The following KSR2 variants were observed in gnomAD, a reference collection of about 807,000 sequenced individuals.
KSR2 encodes kinase suppressor of ras 2.
A neutral mutation model predicts 107.8 loss-of-function variants in KSR2; 25 were observed. The observed-to-expected ratio is 0.23, with a 90% CI of 0.17 to 0.32. The LOEUF (loss-of-function observed/expected upper bound fraction) is 0.32, where lower values mean the gene tolerates loss of function less well. Ranked by LOEUF, KSR2 falls within the 10% of genes least tolerant of loss-of-function variation. KSR2 has a pLI of 1.00. For missense variants in KSR2, 887 were observed against 1,268.9 expected, an observed-to-expected ratio of 0.70 and a Z score of 4.57; for synonymous variants, 480 against 507.0, an observed-to-expected ratio of 0.95 and a Z score of 0.71.
At chr12:117,642,711 T>C (rs1476016127) in intron 5 of KSR2, among the ~76,000 whole-genome samples, 3 of 152,244 alleles carry the variant, frequency 2.0e-5, no homozygotes, top group Non-Finnish European at 4.4e-5. Context: ...AATGATATGC[T>C]GATCTTGTGA....
rs922993802 is a variant in KSR2 at position 117,523,325 on chromosome 12, T to C, written c.2219+1527A>G. Among the ~76,000 whole-genome samples the C allele has an allele frequency of 2.6e-5, 4 of 152,324 alleles. No individual in the cohort carries two copies. The East Asian group carries it at 5.8e-4, about 22-fold the overall frequency. On this transcript the variant is annotated intron_variant, in intron 14 of 19. Coordinates refer to ENST00000339824, the MANE Select transcript of KSR2 (RefSeq NM_173598.6). ...ACTTGTGCATTTGGGGTCTCACTGCTTGAGCTGAGTAGAGCAAGGAGAGAG... is the reference window on the plus strand; with the variant it reads ...ACTTGTGCATTTGGGGTCTCACTGCCTGAGCTGAGTAGAGCAAGGAGAGAG...
intron 9 of KSR2, among the ~76,000 whole-genome samples, chr12:117,549,145 T>C (rs749672214): frequency 3.3e-5 from 5 of 152,248 alleles, no homozygotes; most frequent in Non-Finnish European, 5.9e-5. Context: ...TATCTTAATT[T>C]ATCTAATGGT....
chr12:117,697,069 C>G (rs529935727), intron 4 of KSR2, among the ~76,000 whole-genome samples: 17 of 152,168 alleles, frequency 1.1e-4, no homozygotes, highest in Non-Finnish European at 1.9e-4. Flanking sequence ...TTTGCGGACG[C>G]TAGTTTGGGA....
At chr12:117,484,052 C>A (rs147178717) in intron 16 of KSR2, among the ~76,000 whole-genome samples, 28 of 152,366 alleles carry the variant, frequency 1.8e-4, no homozygotes, top group Middle Eastern at 6.8e-3. Flanking sequence ...GTACTAAAAT[C>A]ACTTAATTCC....
At position 117,453,537 on chromosome 12, in the gene KSR2, A is replaced by G. The variant is rs1361006513; in HGVS notation, c.*13662T>C. ...GTCTTTATATATATAATATATATGT[A>G]TAATATTTATAGGTCTATATACTTT... On this transcript the variant is annotated 3_prime_UTR_variant, in exon 20 of 20. Coordinates refer to ENST00000339824, the MANE Select transcript of KSR2 (RefSeq NM_173598.6). The G allele has an allele frequency of 1.3e-5, 2 of 152,006 alleles. No individual in the cohort carries two copies. Among genetic ancestry groups the G allele is most frequent in the Middle Eastern group, 3.2e-3 (1 of 314 alleles). 9.4% of individuals were successfully genotyped at this position (152,006 alleles called of 1,614,324 possible).
intron 1 of KSR2, among the ~76,000 whole-genome samples, chr12:117,875,857 C>G (rs920905984): frequency 6.6e-6 from 1 of 151,632 alleles, no homozygotes; most frequent in Admixed American, 6.6e-5. Context: ...GGTTACGCCT[C>G]CCCCCCACCA....
At chr12:117,883,875 CAAA>C (rs34939587) in intron 1 of KSR2, among the ~76,000 whole-genome samples, 1 of 93,846 alleles carries the variant, frequency 1.1e-5, no homozygotes. Flanking sequence ...GTCTCCATCT[CAAA>C]AAAAAAAAAA....
intron 3 of KSR2, among the ~76,000 whole-genome samples, chr12:117,848,816 G>A (rs1025825311): frequency 1.4e-5 from 2 of 146,528 alleles, no homozygotes; most frequent in South Asian, 2.2e-4. Context: ...AGTGATGGTG[G>A]TGGGTGGTGA....
In KSR2 at chr12:117,813,008, A is replaced by G. The variant is rs944420690; in HGVS notation, c.472+42420T>C. 2.4e-4 allele frequency among the ~76,000 whole-genome samples: 36 copies of G among 152,224 alleles called. 1 individual carries two copies. Among genetic ancestry groups the G allele is most frequent in the Admixed American group, 1.7e-3 (26 of 15,290 alleles). On this transcript the variant is annotated intron_variant, in intron 3 of 19. Transcript: ENST00000339824. ...ATAAGCCAATGGAACAGAATAGAGA[A>G]CTCAGAAATTAATCCACATATCTAT...
intron 3 of KSR2, among the ~76,000 whole-genome samples, chr12:117,831,750 C>T (rs1009531771): frequency 6.6e-6 from 1 of 152,218 alleles, no homozygotes; most frequent in African/African-American, 2.4e-5. Context: ...AATTTCCACA[C>T]ATGGAAGTGA....
chr12:117,472,454 T>A (rs1434566883), intron 17 of KSR2, among the ~76,000 whole-genome samples: 1 of 152,180 alleles, frequency 6.6e-6, no homozygotes, highest in Admixed American at 6.5e-5. Context: ...CTCAGCGCTT[T>A]GAGCACAAGA....
intron 1 of KSR2, among the ~76,000 whole-genome samples, chr12:117,884,975 C>T (rs182741147): frequency 3.3e-5 from 5 of 152,302 alleles, no homozygotes; most frequent in Admixed American, 2.0e-4. Flanking sequence ...CCCACCGACA[C>T]GCAGCAGGTA....
At chr12:117,713,201 T>C (rs1886857050) in intron 4 of KSR2, among the ~76,000 whole-genome samples, 1 of 151,628 alleles carries the variant, frequency 6.6e-6, no homozygotes, top group African/African-American at 2.4e-5. Flanking sequence ...TATGTCTATA[T>C]AGATATATAT....
At chr12:117,576,619 T>C (rs1405082277) in intron 7 of KSR2, among the ~76,000 whole-genome samples, 1 of 151,994 alleles carries the variant, frequency 6.6e-6, no homozygotes, top group African/African-American at 2.4e-5. Context: ...TGCCCCAGCC[T>C]CCCAAGTATC....
chr12:117,740,462 A>G (rs895114569), intron 4 of KSR2, among the ~76,000 whole-genome samples: 2 of 87,144 alleles, frequency 2.3e-5, no homozygotes, highest in Non-Finnish European at 5.2e-5. Flanking sequence ...TAGTACATAT[A>G]TTATATGTAA....
At chr12:117,879,802 A>G (rs1893969930) in intron 1 of KSR2, among the ~76,000 whole-genome samples, 1 of 152,230 alleles carries the variant, frequency 6.6e-6, no homozygotes, top group African/African-American at 2.4e-5. Flanking sequence ...CAACGTTGCA[A>G]TTGGGAGCAC....
At chr12:117,716,549 T>C (rs1259276230) in intron 4 of KSR2, among the ~76,000 whole-genome samples, 1 of 152,234 alleles carries the variant, frequency 6.6e-6, no homozygotes, top group Non-Finnish European at 1.5e-5. Flanking sequence ...TAAAATAAAA[T>C]AAATTATTAA....
At position 117,454,654 on chromosome 12, in the gene KSR2, TCA is replaced by T. The variant is rs1255200809; in HGVS notation, c.*12543_*12544del. 5.3e-5 allele frequency: 8 copies of T among 152,206 alleles called. No individual in the cohort carries two copies. Among genetic ancestry groups the T allele is most frequent in the Middle Eastern group, 3.2e-3 (1 of 316 alleles). The allele number at this position is 152,206 out of a possible 1,614,324, so 9.4% of individuals were successfully genotyped here. On this transcript the variant is annotated 3_prime_UTR_variant, in exon 20 of 20. Coordinates refer to ENST00000339824, the MANE Select transcript of KSR2 (RefSeq NM_173598.6). ...ACCTGAAATGTTTAGTTAGAGACCC[TCA>T]GTGTAGGGTCTTTCCATAAATACAT...
chr12:117,920,622 C>T (rs905849361), intron 1 of KSR2, among the ~76,000 whole-genome samples: 1 of 152,132 alleles, frequency 6.6e-6, no homozygotes. Context: ...GGGGGAGATA[C>T]AGTTACAATT....
Sources: allele counts gnomAD v4.1 joint callset (sites outside exome capture counted in the v4.1 genomes callset), GRCh38; gene constraint gnomAD v4.1.1; transcripts MANE v1.5; gene names NCBI Gene and HGNC (gene_info 2026-07-23, HGNC 2026-07-21).